NBPF8: variants seen among roughly 807,000 people sequenced by gnomAD.
The protein encoded by NBPF8 is NBPF member 8, also known as NBPF family member NBPF8.
intron 1 of NBPF8, among the ~76,000 whole-genome samples, chr1:120,420,843 G>A (rs1201731981): frequency 4.7e-5 from 7 of 148,772 alleles, no homozygotes; most frequent in Non-Finnish European, 1.0e-4. Flanking sequence ...GTAAATCTCA[G>A]GTCACTACCC....
intron 13 of NBPF8, among the ~76,000 whole-genome samples, chr1:120,452,766 G>A: frequency 6.6e-6 from 1 of 152,166 alleles, no homozygotes; most frequent in Non-Finnish European, 1.5e-5. Flanking sequence ...CTCTTGCAAG[G>A]GTCGAAGCAT....
In NBPF8 at chr1:120,464,639, G is replaced by C. The variant is rs1370353760; in HGVS notation, n.3459+91G>C. On this transcript the variant is annotated intron_variant and non_coding_transcript_variant, in intron 23 of 24. Coordinates refer to ENST00000583271, the Ensembl canonical transcript of NBPF8. ...CTCCAAGTGGCCATTACTGAGCTGA[G>C]AGATGTCATTGCCACAGGGAGGACC... 8 of 745,428 alleles carry C rather than the reference G, an allele frequency of 1.1e-5. No individual in the cohort carries two copies. The African/African-American group carries it at 1.5e-4, about 14-fold the overall frequency. 46.2% of individuals were successfully genotyped at this position (745,428 alleles called of 1,614,324 possible). A position where few individuals can be genotyped will look rare whatever the true frequency, so the allele number is the denominator to read the frequency against.
At position 120,465,073 on chromosome 1, in the gene NBPF8, A is replaced by G. The variant is rs1661706380; in HGVS notation, n.3460-190A>G. ...CTACTAGAATAGGGACATTTTACCC[A>G]CAGTTTCTGGGAGAAAAACCGAGGA... On this transcript the variant is annotated intron_variant and non_coding_transcript_variant, in intron 23 of 24. Coordinates refer to ENST00000583271, the Ensembl canonical transcript of NBPF8. Among the ~76,000 whole-genome samples the G allele has an allele frequency of 7.9e-5, 4 of 50,716 alleles. No individual in the cohort carries two copies. In the South Asian group the frequency reaches 2.4e-3, roughly 30 times the overall value. 33.3% of individuals were successfully genotyped at this position (50,716 alleles called of 152,430 possible).
intron 3 of NBPF8, among the ~76,000 whole-genome samples, chr1:120,428,996 C>A (rs1660795334): frequency 6.7e-6 from 1 of 148,948 alleles, no homozygotes. Context: ...CCTTTTGTTT[C>A]CCCATAACAT....
exon 11 of NBPF8, chr1:120,449,352 GT>G: frequency 6.2e-7 from 1 of 1,602,652 alleles, no homozygotes; most frequent in South Asian, 1.1e-5. Context: ...AAAGAGAAAT[GT>G]TTTCTAACTC....
At chr1:120,450,805 G>C (rs1425715361) in intron 11 of NBPF8, among the ~76,000 whole-genome samples, 1 of 152,052 alleles carries the variant, frequency 6.6e-6, no homozygotes, top group Non-Finnish European at 1.5e-5. Context: ...GGGCCTTCCC[G>C]ACTGTACAAG....
At chr1:120,454,703 A>ATT (rs1175094609) in intron 15 of NBPF8, among the ~76,000 whole-genome samples, 2 of 5,070 alleles carry the variant, frequency 3.9e-4, no homozygotes, top group Non-Finnish European at 7.7e-4. Context: ...AGCATCGTGG[A>ATT]TTTTTTTTTT....
At chr1:120,415,732 G>A (rs141646152), upstream of NBPF8, among the ~76,000 whole-genome samples, 3,817 of 152,266 alleles carry the variant, frequency 0.025, 69 homozygotes, top group East Asian at 0.086. Context: ...CTCCAGGCTG[G>A]TGATGGGCAA....
At chr1:120,460,724 T>C (rs1358020199) in intron 18 of NBPF8, 100 bp downstream of exon 16, 1 of 955,142 alleles carries the variant, frequency 1.0e-6, no homozygotes, top group Non-Finnish European at 1.7e-6. Flanking sequence ...TTTTGTCTTG[T>C]CAGACAAGTC....
chr1:120,416,889 A>C (rs1446822425), upstream of NBPF8, among the ~76,000 whole-genome samples: 1 of 145,514 alleles, frequency 6.9e-6, no homozygotes, highest in East Asian at 2.0e-4. Context: ...GTAATGTATC[A>C]GTGTGATTTC....
At chr1:120,434,217 A>C (rs1660999384), upstream of NBPF8, among the ~76,000 whole-genome samples, 1 of 148,102 alleles carries the variant, frequency 6.8e-6, no homozygotes, top group Non-Finnish European at 1.5e-5. Context: ...CGCCACTTAA[A>C]AAAGAAAAAA....
chr1:120,453,971 C>A, exon 15 of NBPF8: 1 of 1,610,400 alleles, frequency 6.2e-7, no homozygotes, highest in South Asian at 1.1e-5. Context: ...TGTGCCATCA[C>A]TTATTCAAAT....
chr1:120,434,267 G>T (rs1313387830), upstream of NBPF8, among the ~76,000 whole-genome samples: 6 of 118,948 alleles, frequency 5.0e-5, no homozygotes, highest in East Asian at 9.2e-4. Context: ...TATATATATT[G>T]TATATTATGT....
chr1:120,449,771 G>A (rs1409251537), intron 11 of NBPF8, among the ~76,000 whole-genome samples: 1 of 152,148 alleles, frequency 6.6e-6, no homozygotes, highest in African/African-American at 2.4e-5. Context: ...TGAGACTAGT[G>A]AACTTTTATT....
At chr1:120,468,806 T>TATCA (rs1169201801), downstream of NBPF8, among the ~76,000 whole-genome samples, 2 of 151,514 alleles carry the variant, frequency 1.3e-5, no homozygotes, top group Non-Finnish European at 2.9e-5. Context: ...GCCTGGGTTC[T>TATCA]ATCATGAACA....
At chr1:120,454,190 A>G in intron 15 of NBPF8, 76 bp downstream of exon 13, 2 of 1,481,302 alleles carry the variant, frequency 1.4e-6, no homozygotes, top group South Asian at 2.4e-5. Flanking sequence ...GGCTCTATAA[A>G]CACAAATTCA....
upstream of NBPF8, among the ~76,000 whole-genome samples, chr1:120,431,747 A>G (rs1224425485): frequency 6.6e-6 from 1 of 151,782 alleles, no homozygotes; most frequent in Non-Finnish European, 1.5e-5. Flanking sequence ...CACAAATCAG[A>G]TAGACAGTCA....
At chr1:120,425,351 A>G (rs2101504024) in intron 1 of NBPF8, among the ~76,000 whole-genome samples, 1 of 152,270 alleles carries the variant, frequency 6.6e-6, no homozygotes, top group African/African-American at 2.4e-5. Context: ...GAGGTGGGAC[A>G]TGCTGGCAGC....
exon 13 of NBPF8, chr1:120,452,299 T>A (rs1661301547): frequency 3.5e-6 from 5 of 1,434,486 alleles, no homozygotes; most frequent in South Asian, 1.1e-5. Flanking sequence ...GGGTGTAGAC[T>A]GGCACAGCAC....
Sources: gnomAD v4.1 joint callset for allele counts (sites outside exome capture counted in the v4.1 genomes callset) on GRCh38, gnomAD v4.1.1 for gene constraint, MANE v1.5 for transcripts, NCBI Gene and HGNC (gene_info 2026-07-23, HGNC 2026-07-21) for gene names.